Variants in ADAD1 observed in about 807,000 individuals in gnomAD.
The protein encoded by ADAD1 is adenosine deaminase domain containing 1.
A neutral mutation model predicts 66.8 loss-of-function variants in ADAD1; 46 were observed. The ratio of observed to expected loss-of-function variants is 0.69; its 90% CI spans 0.54 to 0.88. The LOEUF is 0.88. Among genes scored for constraint, ADAD1 ranks in the 40% least tolerant of loss-of-function variants. The pLI is 0.00. For synonymous variants in ADAD1, 248 were observed against 229.4 expected (o/e 1.08, Z -0.73); for missense variants, 617 against 681.8 (o/e 0.91, Z 1.06).
intron 7 of ADAD1, among the ~76,000 whole-genome samples, chr4:122,404,336 A>G (rs1308345794): frequency 1.3e-5 from 2 of 152,154 alleles, no homozygotes; most frequent in African/African-American, 4.8e-5. Flanking sequence ...GATGACTTCC[A>G]TAGGCTGGGG....
At chr4:122,421,773 T>G in intron 12 of ADAD1, among the ~76,000 whole-genome samples, 1 of 152,070 alleles carries the variant, frequency 6.6e-6, no homozygotes, top group East Asian at 1.9e-4. Flanking sequence ...ATTTTTCTAT[T>G]TTAAAGTTGT....
At chr4:122,404,850 G>A (rs1310081263) in intron 7 of ADAD1, among the ~76,000 whole-genome samples, 1 of 152,136 alleles carries the variant, frequency 6.6e-6, no homozygotes, top group Non-Finnish European at 1.5e-5. Flanking sequence ...TGTGACAGTA[G>A]AGGAAGCATC....
At chr4:122,400,785 A>G (rs1264520060) in intron 7 of ADAD1, among the ~76,000 whole-genome samples, 1 of 151,934 alleles carries the variant, frequency 6.6e-6, no homozygotes, top group Non-Finnish European at 1.5e-5. Context: ...TAGTTTGTGC[A>G]TGTGAAAGTG....
chr4:122,429,544 G>A (rs1291268371), intron 12 of ADAD1, 82 bp from the exon 13 acceptor site: 1 of 707,510 alleles, frequency 1.4e-6, no homozygotes, highest in African/African-American at 1.8e-5. Flanking sequence ...TAAATTTCAA[G>A]CTAAAGAAAC....
chr4:122,399,792 A>G (rs1435647051), intron 7 of ADAD1, among the ~76,000 whole-genome samples: 1 of 111,600 alleles, frequency 9.0e-6, no homozygotes, highest in Non-Finnish European at 1.9e-5. Context: ...TCTTGATTTG[A>G]TTCTCAGCTT....
At chr4:122,400,117 G>A (rs1310045895) in intron 7 of ADAD1, among the ~76,000 whole-genome samples, 5 of 151,926 alleles carry the variant, frequency 3.3e-5, no homozygotes, top group Admixed American at 3.3e-4. Context: ...ACATTTCCCT[G>A]TTCAGTATAA....
Position 122,381,094 on chromosome 4 carries a change from G to A in ADAD1, c.275G>A (p.Arg92His), listed in dbSNP as rs146584990. 384 of 1,606,500 alleles carry A rather than the reference G, an allele frequency of 2.4e-4. No homozygotes were observed. The highest frequency in any genetic ancestry group is 5.0e-4 in the Middle Eastern group (3 of 6,048). The part of the protein sequence containing the change: ...IPKEFIMKYK[R>H]GEINPVSALH... Reference sequence around the variant, plus strand: ...AAGGAATTTATAATGAAATACAAACGTGGAGAGATAAATCCTGTGTCAGCC... The same window carrying A: ...AAGGAATTTATAATGAAATACAAACATGGAGAGATAAATCCTGTGTCAGCC... Residue 92 changes from arginine to histidine, a missense_variant, in exon 4 of 13, where the codon CGT becomes CAT. Physicochemically the swap from Arg to His is conservative, Grantham distance 29. Coordinates refer to ENST00000296513, the MANE Select transcript of ADAD1 (RefSeq NM_139243.4).
At chr4:122,397,529 G>T (rs1038298986) in intron 7 of ADAD1, among the ~76,000 whole-genome samples, 1 of 152,126 alleles carries the variant, frequency 6.6e-6, no homozygotes, top group Non-Finnish European at 1.5e-5. Flanking sequence ...AATTTCATTT[G>T]TAATGATTAA....
chr4:122,396,868 ATTC>A (rs1331014883), intron 7 of ADAD1, among the ~76,000 whole-genome samples: 2 of 152,184 alleles, frequency 1.3e-5, no homozygotes, highest in Non-Finnish European at 2.9e-5. Context: ...TTTGATTCCT[ATTC>A]TTAAGGAGTT....
At position 122,429,617 on chromosome 4, in the gene ADAD1, C is replaced by T. The variant is rs776413106; in HGVS notation, c.1618-9C>T. 7.0e-6 allele frequency: 11 copies of T among 1,569,440 alleles called. No homozygotes were observed. The highest frequency in any genetic ancestry group is 1.4e-5 in the African/African-American group (1 of 73,796). On this transcript the variant is annotated splice_polypyrimidine_tract_variant and intron_variant, in intron 12 of 12. Coordinates refer to ENST00000296513, the MANE Select transcript of ADAD1 (RefSeq NM_139243.4). Reference sequence around the variant, plus strand: ...ATTTTCTATAATTCATTTTTTCTTTCTTCTCTAGTGTATGTCTGCCTCCTA... The same window carrying T: ...ATTTTCTATAATTCATTTTTTCTTTTTTCTCTAGTGTATGTCTGCCTCCTA...
chr4:122,400,597 ATGTC>A (rs775553422), intron 7 of ADAD1, among the ~76,000 whole-genome samples: 28 of 152,066 alleles, frequency 1.8e-4, no homozygotes, highest in Non-Finnish European at 3.8e-4. Flanking sequence ...TCTTCTTTGA[ATGTC>A]TGATAGAATT....
Position 122,380,224 on chromosome 4 carries a change from A to G in ADAD1, c.155A>G (p.Lys52Arg). 1 of 1,609,770 alleles carries G rather than the reference A, an allele frequency of 6.2e-7. No individual in the cohort carries two copies. Among genetic ancestry groups the G allele is most frequent in the Non-Finnish European group, 8.5e-7 (1 of 1,178,944 alleles). Residue 52 changes from lysine (K) to arginine (R), a missense_variant, in exon 3 of 13, where the codon AAG becomes AGG. Physicochemically the swap from Lys to Arg is conservative, Grantham distance 26. Coordinates refer to ENST00000296513, the MANE Select transcript of ADAD1 (RefSeq NM_139243.4). ...ESYGLSKMASKVTQVTGNFPE... is the reference protein window; with the variant it reads ...ESYGLSKMASRVTQVTGNFPE... The stretch of plus-strand genomic sequence containing the variant: ...TACGGCCTGTCCAAGATGGCATCCA[A>G]GGTTACGCAAGTAACGGGTACGACT...
chr4:122,389,897 A>G (rs759381812), intron 5 of ADAD1, among the ~76,000 whole-genome samples: 4 of 152,170 alleles, frequency 2.6e-5, no homozygotes, highest in Non-Finnish European at 5.9e-5. Context: ...TCCTGTCATC[A>G]TGATGCTATT....
chr4:122,424,393 CTGTGTT>C (rs143942102), intron 12 of ADAD1, among the ~76,000 whole-genome samples: 2,664 of 152,162 alleles, frequency 0.018, 35 homozygotes, highest in Non-Finnish European at 0.029. Flanking sequence ...TAAAACAACA[CTGTGTT>C]GTTGAGTTTA....
At position 122,387,902 on chromosome 4, in the gene ADAD1, G is replaced by A. The variant is rs376062043; in HGVS notation, c.529+3936G>A. On this transcript the variant is annotated intron_variant, in intron 5 of 12. Coordinates refer to ENST00000296513, the MANE Select transcript of ADAD1 (RefSeq NM_139243.4). The stretch of plus-strand genomic sequence containing the variant: ...AGCCTCCCGAGTAGCTGGGACTACA[G>A]GCACCTGCCACCACACCCAGCTAAT... 2.6e-5 allele frequency among the ~76,000 whole-genome samples: 4 copies of A among 152,000 alleles called. No homozygotes were observed. The East Asian group carries it at 5.8e-4, about 22-fold the overall frequency.
chr4:122,395,837 G>A (rs556973217), intron 6 of ADAD1, among the ~76,000 whole-genome samples: 1 of 152,086 alleles, frequency 6.6e-6, no homozygotes, highest in Admixed American at 6.5e-5. Context: ...GGTTTATAGC[G>A]GTTCTCAATG....
chr4:122,418,804 A>T (rs566743883), intron 11 of ADAD1, among the ~76,000 whole-genome samples: 4 of 152,340 alleles, frequency 2.6e-5, no homozygotes, highest in East Asian at 1.9e-4. Context: ...CTGATTTTTT[A>T]AAATTGCTAA....
At position 122,415,386 on chromosome 4, in the gene ADAD1, G is replaced by T. The variant is rs774699941; in HGVS notation, c.1257G>T (p.Gly419=). 1.9e-6 allele frequency: 3 copies of T among 1,612,252 alleles called. No individual in the cohort carries two copies. The highest frequency in any genetic ancestry group is 2.2e-5 in the South Asian group (2 of 90,712). Residue 419 remains glycine (G), a synonymous_variant, in exon 11 of 13, where the codon GGG becomes GGT. Coordinates refer to ENST00000296513, the MANE Select transcript of ADAD1 (RefSeq NM_139243.4). ...VYISSILIGD[G]NCSDTRGLEI... ...TTTGTTTTTGCTTTCTAGGTGATGG[G>T]AATTGCAGTGATACCAGAGGCTTAG...
chr4:122,408,109 T>G, intron 8 of ADAD1, 78 bp downstream of exon 8: 1 of 1,423,174 alleles, frequency 7.0e-7, no homozygotes. Flanking sequence ...TGTCTTCATT[T>G]ACAAATGGAA....
Sources: allele counts gnomAD v4.1 joint callset (sites outside exome capture counted in the v4.1 genomes callset), GRCh38; gene constraint gnomAD v4.1.1; transcripts MANE v1.5; gene names NCBI Gene and HGNC (gene_info 2026-07-23, HGNC 2026-07-21).